PHF20L1: variants seen among roughly 807,000 people sequenced by gnomAD.
The protein encoded by PHF20L1 is PHD finger protein 20-like protein 1.
PHF20L1 carries 44 observed loss-of-function variants against 125.5 expected under a neutral mutation model. That is an observed-to-expected ratio of 0.35 (90% CI 0.28 to 0.45). The LOEUF is 0.45. Among genes scored for constraint, PHF20L1 ranks in the 20% least tolerant of loss-of-function variants. The pLI, the probability that PHF20L1 is intolerant of heterozygous loss-of-function variation, is 1.00. For synonymous variants in PHF20L1, 380 were observed against 403.1 expected (o/e 0.94, Z 0.69); for missense variants, 1,012 against 1,217.2 (o/e 0.83, Z 2.51).
chr8:132,790,644 A>G (rs1031208626), intron 2 of PHF20L1, among the ~76,000 whole-genome samples: 18 of 152,240 alleles, frequency 1.2e-4, no homozygotes, highest in African/African-American at 4.1e-4. Flanking sequence ...ATCTCTGAAC[A>G]TGAGGTCTTT....
intron 9 of PHF20L1, chr8:132,812,301 G>A (rs146164576): frequency 1.0e-6 from 1 of 985,050 alleles, no homozygotes; most frequent in African/African-American, 1.7e-5. Context: ...GTAATAAAAT[G>A]TTTCTGGAAA....
intron 14 of PHF20L1, among the ~76,000 whole-genome samples, chr8:132,831,647 T>C (rs1406630152): frequency 1.3e-5 from 2 of 151,982 alleles, no homozygotes; most frequent in African/African-American, 4.8e-5. Context: ...TTTTTTTTCC[T>C]CTTCAACTTT....
intron 10 of PHF20L1, chr8:132,815,964 T>C (rs1171178795): frequency 6.6e-6 from 1 of 151,886 alleles, no homozygotes; most frequent in Non-Finnish European, 1.5e-5. Flanking sequence ...CACAATATTA[T>C]AGCAATTAAA....
chr8:132,816,776 T>C, intron 10 of PHF20L1, 112 bp from the exon 11 acceptor site: 2 of 749,790 alleles, frequency 2.7e-6, no homozygotes, highest in Admixed American at 2.6e-5. Context: ...GGATATCTTA[T>C]AACAACATCA....
Position 132,794,825 on chromosome 8 carries a change from T to A in PHF20L1, c.340+8T>A, listed in dbSNP as rs757400647. On this transcript the variant is annotated splice_region_variant and intron_variant, in intron 4 of 20. Transcript: ENST00000395386. ...AAGCAATTAACAAAGAAGGTATGTG[T>A]TTGAAATGATCTGAGACTTAAAATT... 18 of 1,565,270 alleles carry A rather than the reference T, an allele frequency of 1.1e-5. No individual in the cohort carries two copies. The highest frequency in any genetic ancestry group is 1.6e-5 in the Non-Finnish European group (18 of 1,139,352).
chr8:132,796,268 A>G (rs1247974059), intron 4 of PHF20L1, among the ~76,000 whole-genome samples: 15 of 152,074 alleles, frequency 9.9e-5, no homozygotes, highest in Admixed American at 9.8e-4. Flanking sequence ...TAGGTGATAG[A>G]ATAGCTAGAG....
chr8:132,787,299 A>G (rs1342715372), intron 2 of PHF20L1, among the ~76,000 whole-genome samples: 1 of 152,020 alleles, frequency 6.6e-6, no homozygotes, highest in Non-Finnish European at 1.5e-5. Context: ...ACTTAAATAC[A>G]GTGATCTGAA....
chr8:132,781,563 G>A (rs1047876604), intron 2 of PHF20L1, among the ~76,000 whole-genome samples: 3 of 152,044 alleles, frequency 2.0e-5, no homozygotes, highest in African/African-American at 7.2e-5. Context: ...CGAGTAGCTG[G>A]GACTACAGGC....
At chr8:132,776,827 C>T (rs963840373) in intron 1 of PHF20L1, among the ~76,000 whole-genome samples, 2 of 152,176 alleles carry the variant, frequency 1.3e-5, no homozygotes, top group African/African-American at 4.8e-5. Context: ...GATCTCTCCT[C>T]GCCCCTGATA....
Position 132,799,087 on chromosome 8 carries a change from T to A in PHF20L1, c.430-8T>A. The A allele has an allele frequency of 1.2e-6, 2 of 1,607,136 alleles. No homozygotes were observed. Among genetic ancestry groups the A allele is most frequent in the African/African-American group, 1.3e-5 (1 of 74,872 alleles). On this transcript the variant is annotated splice_region_variant and splice_polypyrimidine_tract_variant and intron_variant, in intron 5 of 20. Coordinates refer to ENST00000395386, the MANE Select transcript of PHF20L1 (RefSeq NM_016018.5). ...GCTAAAGTTATAGGTCACTAGTTTCTGTTCCAGGTGAAATCCCAGCATCCA... is the reference window on the plus strand; with the variant it reads ...GCTAAAGTTATAGGTCACTAGTTTCAGTTCCAGGTGAAATCCCAGCATCCA...
At chr8:132,812,136 G>A (rs1301461918) in intron 9 of PHF20L1, 2 of 979,130 alleles carry the variant, frequency 2.0e-6, no homozygotes, top group African/African-American at 3.5e-5. Flanking sequence ...ATCATCCAAC[G>A]GTTAAGTCTT....
rs146488779 is a variant in PHF20L1, at chr8:132,837,387, C to T, written c.2092-325C>T. On this transcript the variant is annotated intron_variant, in intron 16 of 20. Transcript: ENST00000395386. ...ACCAACTTTTTTTTCCCCTAATTTC[C>T]GCATTTTAATAAACTATTTTAAGAG... 3.5e-4 allele frequency among the ~76,000 whole-genome samples: 53 copies of T among 152,106 alleles called. No homozygotes were observed. In the South Asian group the frequency reaches 5.2e-3, roughly 15 times the overall value.
chr8:132,836,770 C>T (rs1197551360), intron 16 of PHF20L1, 49 bp downstream of exon 16: 6 of 1,306,272 alleles, frequency 4.6e-6, no homozygotes, highest in Non-Finnish European at 6.6e-6. Context: ...GTTTCAGGTG[C>T]TCAGCAAATG....
intron 15 of PHF20L1, among the ~76,000 whole-genome samples, chr8:132,832,661 T>C (rs1387770673): frequency 6.6e-6 from 1 of 152,080 alleles, no homozygotes; most frequent in Admixed American, 6.6e-5. Flanking sequence ...ATTTTTATAT[T>C]CTTCACTATC....
At chr8:132,787,053 G>GA (rs34184492) in intron 2 of PHF20L1, among the ~76,000 whole-genome samples, 62,435 of 151,682 alleles carry the variant, frequency 0.41, 12,993 homozygotes, top group South Asian at 0.51. Context: ...GTTGTAGCTT[G>GA]AAAAAACTGT....
chr8:132,834,063 G>A (rs1837078546), intron 15 of PHF20L1, among the ~76,000 whole-genome samples: 1 of 152,100 alleles, frequency 6.6e-6, no homozygotes, highest in South Asian at 2.1e-4. Flanking sequence ...AGCTGTTCTT[G>A]TGGCCACTCA....
intron 2 of PHF20L1, among the ~76,000 whole-genome samples, chr8:132,780,152 T>C (rs1830264698): frequency 6.6e-6 from 1 of 152,182 alleles, no homozygotes. Context: ...TTTCTTATGG[T>C]AATTTTGCTT....
intron 10 of PHF20L1, chr8:132,815,410 T>G (rs1280633901): frequency 6.6e-6 from 1 of 151,900 alleles, no homozygotes; most frequent in East Asian, 1.9e-4. Flanking sequence ...TTTTCAAGAG[T>G]TAACGCAGTC....
chr8:132,800,457 G>T (rs1832917714), intron 6 of PHF20L1, among the ~76,000 whole-genome samples: 1 of 151,356 alleles, frequency 6.6e-6, no homozygotes, highest in Non-Finnish European at 1.5e-5. Flanking sequence ...CTTTTGACTT[G>T]CCTTCATCAA....
Sources: gnomAD v4.1 joint callset for allele counts (sites outside exome capture counted in the v4.1 genomes callset) on GRCh38, gnomAD v4.1.1 for gene constraint, MANE v1.5 for transcripts, NCBI Gene and HGNC (gene_info 2026-07-23, HGNC 2026-07-21) for gene names.